SLC16A7: variants seen among roughly 807,000 people sequenced by gnomAD.
SLC16A7 encodes the protein solute carrier family 16 member 7, also known as monocarboxylate transporter 2.
A neutral mutation model predicts 34.9 loss-of-function variants in SLC16A7; 33 were observed. The observed-to-expected ratio is 0.94, with a 90% confidence interval of 0.72 to 1.26. SLC16A7 has a LOEUF of 1.26. Among genes scored for constraint, SLC16A7 ranks in the 50% most tolerant of loss-of-function variants. The probability of loss-of-function intolerance (pLI) is 0.00; values close to 1 mark genes in which losing one functional copy is unlikely to be tolerated. For missense variants in SLC16A7, 573 were observed against 578.1 expected (o/e 0.99, Z 0.09); for synonymous variants, 201 against 206.6 (o/e 0.97, Z 0.23).
intron 1 of SLC16A7, among the ~76,000 whole-genome samples, chr12:59,650,438 C>G (rs1372311436): frequency 6.6e-6 from 1 of 152,034 alleles, no homozygotes; most frequent in East Asian, 1.9e-4. Context: ...TGAGCAAGAT[C>G]AAAGTTGGAA....
intron 1 of SLC16A7, among the ~76,000 whole-genome samples, chr12:59,636,002 T>TAAA (rs5798503): frequency 6.9e-6 from 1 of 144,314 alleles, no homozygotes. Context: ...TGCACTTCTG[T>TAAA]AAAAAAAAAA....
intron 3 of SLC16A7, among the ~76,000 whole-genome samples, chr12:59,710,931 CT>C (rs922432755): frequency 2.0e-5 from 3 of 152,178 alleles, no homozygotes; most frequent in African/African-American, 7.2e-5. Context: ...TCTCTCTTCT[CT>C]CTTCTGTTTC....
At chr12:59,726,944 C>G (rs980796730) in intron 3 of SLC16A7, among the ~76,000 whole-genome samples, 8 of 150,830 alleles carry the variant, frequency 5.3e-5, no homozygotes, top group African/African-American at 2.0e-4. Context: ...AAAGTCACCT[C>G]AGAAAATTTT....
At chr12:59,634,812 C>G (rs112372932) in intron 1 of SLC16A7, among the ~76,000 whole-genome samples, 1 of 151,904 alleles carries the variant, frequency 6.6e-6, no homozygotes, top group Non-Finnish European at 1.5e-5. Flanking sequence ...GAATGCTCTA[C>G]AGTGGGTGAT....
chr12:59,675,330 T>C (rs1049664679), intron 2 of SLC16A7, among the ~76,000 whole-genome samples: 9 of 152,208 alleles, frequency 5.9e-5, no homozygotes, highest in African/African-American at 1.9e-4. Flanking sequence ...TGGTAGCATC[T>C]TGTTCTGATG....
chr12:59,736,424 C>T (rs765582183), intron 3 of SLC16A7, among the ~76,000 whole-genome samples: 2 of 152,154 alleles, frequency 1.3e-5, no homozygotes, highest in Non-Finnish European at 2.9e-5. Context: ...ATCCAAATTA[C>T]TAACTCCAGC....
At chr12:59,653,469 T>C (rs1868387125) in intron 1 of SLC16A7, among the ~76,000 whole-genome samples, 1 of 151,682 alleles carries the variant, frequency 6.6e-6, no homozygotes, top group Non-Finnish European at 1.5e-5. Context: ...TATATAATTT[T>C]AGTGGTAGCT....
At chr12:59,746,742 A>T (rs1878935793) in intron 3 of SLC16A7, among the ~76,000 whole-genome samples, 1 of 152,232 alleles carries the variant, frequency 6.6e-6, no homozygotes, top group African/African-American at 2.4e-5. Context: ...CAACATAATT[A>T]AGAAATTTAT....
chr12:59,785,486 T>A lies in SLC16A7; in HGVS notation c.*5807T>A, dbSNP rs1382596875. ...ATATGGGAATTTAGATCAAATTACA[T>A]CTCCCATCCCAATCTCCTGCTTCTT... On this transcript the variant is annotated 3_prime_UTR_variant, in exon 6 of 6. Transcript: ENST00000547379. The A allele has an allele frequency of 1.3e-5, 2 of 152,160 alleles. No homozygotes were observed. The highest frequency in any genetic ancestry group is 4.8e-5 in the African/African-American group (2 of 41,456). The allele number at this position is 152,160 out of a possible 1,614,324, so 9.4% of individuals were successfully genotyped here. A position where few individuals can be genotyped will look rare whatever the true frequency, so the allele number is the denominator to read the frequency against.
intron 3 of SLC16A7, among the ~76,000 whole-genome samples, chr12:59,716,956 G>A (rs781071685): frequency 1.4e-4 from 21 of 152,140 alleles, no homozygotes; most frequent in Non-Finnish European, 2.6e-4. Context: ...AAACATTTAG[G>A]CTTTTATCTC....
At chr12:59,745,841 C>T (rs912978074) in intron 3 of SLC16A7, among the ~76,000 whole-genome samples, 5 of 152,266 alleles carry the variant, frequency 3.3e-5, no homozygotes, top group Non-Finnish European at 7.4e-5. Context: ...CATTCTGTAT[C>T]ATCAGTGCCT....
intron 2 of SLC16A7, among the ~76,000 whole-genome samples, chr12:59,675,526 T>C (rs1030942162): frequency 6.6e-6 from 1 of 152,202 alleles, no homozygotes; most frequent in South Asian, 2.1e-4. Context: ...AAGCCACCAC[T>C]GTATTTTGTT....
At chr12:59,779,336 T>G (rs777655149) in intron 5 of SLC16A7, 87 bp from the exon 6 acceptor site, 3 of 1,022,930 alleles carry the variant, frequency 2.9e-6, no homozygotes, top group Admixed American at 5.2e-5. Context: ...ATAAGAGGAA[T>G]ATACTTTGAA....
At chr12:59,761,103 C>A (rs753656308) in intron 3 of SLC16A7, 3 of 1,187,154 alleles carry the variant, frequency 2.5e-6, no homozygotes, top group Non-Finnish European at 3.3e-6. Flanking sequence ...GAAGTTACTG[C>A]AAAATGTACT....
At chr12:59,735,922 T>C in intron 3 of SLC16A7, 1 of 1,249,554 alleles carries the variant, frequency 8.0e-7, no homozygotes, top group Non-Finnish European at 1.0e-6. Context: ...TCTCTATGAC[T>C]TTGATAGGAA....
rs1883288068 is a variant in SLC16A7, at chr12:59,782,062, GTTAT to G, written c.*2390_*2393del. On this transcript the variant is annotated 3_prime_UTR_variant, in exon 6 of 6. Transcript: ENST00000547379. ...GGCTGCTCTTTGGTTGTCTTCATTC[GTTAT>G]TTATTTCTAACACTGTATTAAATTG... The G allele has an allele frequency of 1.3e-5, 2 of 152,084 alleles. No homozygotes were observed. The allele number at this position is 152,084 out of a possible 1,614,324, so 9.4% of individuals were successfully genotyped here.
intron 1 of SLC16A7, among the ~76,000 whole-genome samples, chr12:59,621,937 T>C (rs1407411473): frequency 6.6e-6 from 1 of 151,788 alleles, no homozygotes; most frequent in African/African-American, 2.4e-5. Context: ...CTGTCTACTT[T>C]TTCCATTCCA....
rs561757109 is a variant in SLC16A7, at chr12:59,714,650, C to T, written c.217+9632C>T. Among the ~76,000 whole-genome samples, 319 of 152,064 alleles carry T rather than the reference C, an allele frequency of 2.1e-3. 1 individual carries two copies. The highest frequency in any genetic ancestry group is 7.0e-3 in the African/African-American group (290 of 41,478). ...CACGATCTAGGCTCACTGCAACCTCCGCCTCCCAGGTCCAAGTGATTCTCC... is the reference window on the plus strand; with the variant it reads ...CACGATCTAGGCTCACTGCAACCTCTGCCTCCCAGGTCCAAGTGATTCTCC... On this transcript the variant is annotated intron_variant, in intron 3 of 5. Transcript: ENST00000547379.
rs1300900723 is a variant in SLC16A7 at position 59,781,166 on chromosome 12, T to C, written c.*1487T>C. 6.6e-6 allele frequency: 1 copy of C among 152,240 alleles called. No individual in the cohort carries two copies. The highest frequency in any genetic ancestry group is 2.4e-5 in the African/African-American group (1 of 41,456). The allele number at this position is 152,240 out of a possible 1,614,324, so 9.4% of individuals were successfully genotyped here. On this transcript the variant is annotated 3_prime_UTR_variant, in exon 6 of 6. Transcript: ENST00000547379. ...AATCACTCCTGAATACAGAGGCATA[T>C]TCTTTTTAAACTATAAATACCATTT...
Sources: gnomAD v4.1 joint callset for allele counts (sites outside exome capture counted in the v4.1 genomes callset) on GRCh38, gnomAD v4.1.1 for gene constraint, MANE v1.5 for transcripts, NCBI Gene and HGNC (gene_info 2026-07-23, HGNC 2026-07-21) for gene names.